FMN2: variants seen among roughly 807,000 people sequenced by gnomAD.
FMN2 encodes formin 2, also known as formin-2.
Under a neutral mutation model 142.3 loss-of-function variants are expected in FMN2, and 51 were observed. The observed-to-expected ratio is 0.36, with a 90% CI of 0.29 to 0.45. The LOEUF (loss-of-function observed/expected upper bound fraction) is 0.45, where lower values mean the gene tolerates loss of function less well. Ranked by LOEUF, FMN2 falls within the 20% of genes least tolerant of loss-of-function variation. The probability of loss-of-function intolerance (pLI) is 1.00; values close to 1 mark genes in which losing one functional copy is unlikely to be tolerated. For missense variants in FMN2, 1,936 were observed against 2,122.8 expected (o/e 0.91, Z 1.73); for synonymous variants, 882 against 869.8 (o/e 1.01, Z -0.25).
At chr1:240,150,655 G>A (rs1663724266) in intron 2 of FMN2, among the ~76,000 whole-genome samples, 1 of 152,166 alleles carries the variant, frequency 6.6e-6, no homozygotes, top group South Asian at 2.1e-4. Flanking sequence ...TCCCTCTAGT[G>A]ACCCGTTTAA....
chr1:240,145,058 A>C lies in FMN2; in HGVS notation c.1782+21713A>C, dbSNP rs1663381474. ...GGCCATGTTCTCATACATTTCCTTC[A>C]GTTTGCCATAGTGTGGACGCAGACA... On this transcript the variant is annotated intron_variant, in intron 2 of 17. Transcript: ENST00000319653. 5.0e-6 allele frequency: 7 copies of C among 1,404,706 alleles called. No homozygotes were observed. The East Asian group carries it at 1.6e-4, about 32-fold the overall frequency. The allele number at this position is 1,404,706 out of a possible 1,614,324, so 87.0% of individuals were successfully genotyped here.
intron 14 of FMN2, among the ~76,000 whole-genome samples, chr1:240,389,477 G>T (rs980503091): frequency 6.6e-6 from 1 of 152,104 alleles, no homozygotes; most frequent in Non-Finnish European, 1.5e-5. Context: ...GTCTGATTGG[G>T]GTCACTGCAT....
intron 15 of FMN2, among the ~76,000 whole-genome samples, chr1:240,429,930 G>T (rs1675086531): frequency 6.7e-6 from 1 of 149,546 alleles, no homozygotes; most frequent in African/African-American, 2.5e-5. Context: ...CTGCCGCCCA[G>T]GCTGGAGTGC....
intron 3 of FMN2, among the ~76,000 whole-genome samples, chr1:240,185,695 A>G (rs1352773799): frequency 6.6e-6 from 1 of 152,228 alleles, no homozygotes; most frequent in East Asian, 1.9e-4. Flanking sequence ...AAAGCATTTT[A>G]TGCATTTCTA....
chr1:240,443,264 G>T (rs1675686918), intron 16 of FMN2, among the ~76,000 whole-genome samples: 1 of 152,160 alleles, frequency 6.6e-6, no homozygotes, highest in African/African-American at 2.4e-5. Flanking sequence ...TGATACAATA[G>T]ACACAGATCA....
chr1:240,442,484 T>C (rs1675658970), intron 16 of FMN2, among the ~76,000 whole-genome samples: 1 of 152,184 alleles, frequency 6.6e-6, no homozygotes, highest in Non-Finnish European at 1.5e-5. Context: ...AAGTAAACAA[T>C]AATCTGGCCT....
intron 15 of FMN2, among the ~76,000 whole-genome samples, chr1:240,415,187 C>A (rs546067374): frequency 6.6e-6 from 1 of 152,202 alleles, no homozygotes; most frequent in African/African-American, 2.4e-5. Flanking sequence ...ACATTTACAC[C>A]ACGGAATACT....
chr1:240,418,943 C>A (rs1674672299), intron 15 of FMN2, among the ~76,000 whole-genome samples: 1 of 151,988 alleles, frequency 6.6e-6, no homozygotes, highest in Admixed American at 6.6e-5. Context: ...CCCGTCTCTA[C>A]TAAAAATACA....
At chr1:240,171,529 C>CA (rs561298090) in intron 2 of FMN2, among the ~76,000 whole-genome samples, 49 of 151,656 alleles carry the variant, frequency 3.2e-4, no homozygotes, top group African/African-American at 9.2e-4. Context: ...GTAATTTCTA[C>CA]AAAAAAAATA....
intron 8 of FMN2, among the ~76,000 whole-genome samples, chr1:240,310,527 C>G (rs1271116584): frequency 1.3e-5 from 2 of 152,146 alleles, no homozygotes; most frequent in African/African-American, 4.8e-5. Context: ...GGAATTAAAA[C>G]CTAGAGAAAC....
intron 2 of FMN2, among the ~76,000 whole-genome samples, chr1:240,175,140 T>C (rs1362580481): frequency 6.6e-6 from 1 of 152,212 alleles, no homozygotes; most frequent in African/African-American, 2.4e-5. Flanking sequence ...TTCATCCATG[T>C]GGTAGCATGT....
At chr1:240,260,143 A>G (rs1286586555) in intron 7 of FMN2, among the ~76,000 whole-genome samples, 2 of 151,948 alleles carry the variant, frequency 1.3e-5, no homozygotes, top group East Asian at 3.9e-4. Flanking sequence ...TTCTTTATCT[A>G]CTCGTTGATT....
chr1:240,286,907 T>C (rs145652660), intron 7 of FMN2, among the ~76,000 whole-genome samples: 3 of 152,312 alleles, frequency 2.0e-5, no homozygotes, highest in African/African-American at 7.2e-5. Flanking sequence ...TACCTTGTGC[T>C]TTTATTGTGG....
chr1:240,122,015 G>A (rs890064044), intron 1 of FMN2, among the ~76,000 whole-genome samples: 1 of 151,586 alleles, frequency 6.6e-6, no homozygotes, highest in Non-Finnish European at 1.5e-5. Context: ...TGCTTCCTTC[G>A]AGAACCATCT....
At chr1:240,238,767 A>C (rs1178040846) in intron 6 of FMN2, among the ~76,000 whole-genome samples, 2 of 152,218 alleles carry the variant, frequency 1.3e-5, no homozygotes, top group Non-Finnish European at 2.9e-5. Context: ...GAAAAACCCT[A>C]AACTGCAAAC....
At chr1:240,394,696 G>A (rs373313889) in intron 15 of FMN2, among the ~76,000 whole-genome samples, 1 of 152,150 alleles carries the variant, frequency 6.6e-6, no homozygotes, top group African/African-American at 2.4e-5. Context: ...GGTCGGGCGT[G>A]GTGGCTCAAG....
chr1:240,164,443 T>C lies in FMN2; in HGVS notation c.1783-13478T>C, dbSNP rs552373078. ...GTATTCATTTAATCTTTTTTCTTTG[T>C]TCTTTCTTTCTGCATCTTCAGGAAT... On this transcript the variant is annotated intron_variant, in intron 2 of 17. Transcript: ENST00000319653. Among the ~76,000 whole-genome samples, 4 of 152,226 alleles carry C rather than the reference T, an allele frequency of 2.6e-5. No individual in the cohort carries two copies. In the East Asian group the frequency reaches 7.7e-4, roughly 29 times the overall value.
At position 240,208,335 on chromosome 1, in the gene FMN2, C is replaced by T. The variant is rs753253759; in HGVS notation, c.3523C>T (p.Pro1175Ser). 2.2e-6 allele frequency: 3 copies of T among 1,387,286 alleles called. No homozygotes were observed. The highest frequency in any genetic ancestry group is 3.0e-6 in the Non-Finnish European group (3 of 1,012,618). 85.9% of individuals were successfully genotyped at this position (1,387,286 alleles called of 1,614,324 possible). A position where few individuals can be genotyped will look rare whatever the true frequency, so the allele number is the denominator to read the frequency against. ...PPPLPGAGIPPPPPLPGVGIP... is the reference protein window; with the variant it reads ...PPPLPGAGIPSPPPLPGVGIP... ...CCCTCTACCCGGAGCGGGCATACCCCCTCCGCCCCCTCTACCTGGAGTGGG... is the reference window on the plus strand; with the variant it reads ...CCCTCTACCCGGAGCGGGCATACCCTCTCCGCCCCCTCTACCTGGAGTGGG... Residue 1175 changes from proline to serine, a missense_variant, in exon 5 of 18, where the codon CCT becomes TCT. Coordinates refer to ENST00000319653, the MANE Select transcript of FMN2 (RefSeq NM_020066.5).
intron 15 of FMN2, among the ~76,000 whole-genome samples, chr1:240,394,208 G>T (rs1673699295): frequency 6.6e-6 from 1 of 152,160 alleles, no homozygotes; most frequent in African/African-American, 2.4e-5. Context: ...AAGCCTGATG[G>T]TTGGTTTCTG....
Sources: gnomAD v4.1 joint callset for allele counts (sites outside exome capture counted in the v4.1 genomes callset) on GRCh38, gnomAD v4.1.1 for gene constraint, MANE v1.5 for transcripts, NCBI Gene and HGNC (gene_info 2026-07-23, HGNC 2026-07-21) for gene names.